Variants in CLSTN2 observed in about 807,000 individuals in gnomAD.
CLSTN2 encodes the protein calsyntenin-2.
CLSTN2 carries 48 observed loss-of-function variants against 101.2 expected under a neutral mutation model. The observed-to-expected ratio is 0.47, with a 90% CI of 0.38 to 0.60. CLSTN2 has a LOEUF of 0.60. CLSTN2 is among the 20% of genes least tolerant of loss of function. CLSTN2 has a pLI of 0.00. For synonymous variants in CLSTN2, 481 were observed against 463.6 expected, an observed-to-expected ratio of 1.04 and a Z score of -0.48; for missense variants, 1,160 against 1,238.2, an observed-to-expected ratio of 0.94 and a Z score of 0.95.
At chr3:140,518,961 A>T (rs957014615) in intron 8 of CLSTN2, among the ~76,000 whole-genome samples, 1 of 151,790 alleles carries the variant, frequency 6.6e-6, no homozygotes, top group Admixed American at 6.6e-5. Flanking sequence ...TGATGTGGGC[A>T]TTTAGTGCTA....
At chr3:140,540,122 G>A (rs1202495141) in intron 9 of CLSTN2, among the ~76,000 whole-genome samples, 2 of 152,122 alleles carry the variant, frequency 1.3e-5, no homozygotes, top group Non-Finnish European at 2.9e-5. Flanking sequence ...TTCACGTGAA[G>A]AACAAAGCAA....
intron 1 of CLSTN2, among the ~76,000 whole-genome samples, chr3:140,079,666 GC>G (rs2008552814): frequency 6.6e-6 from 1 of 151,678 alleles, no homozygotes; most frequent in South Asian, 2.1e-4. Context: ...CAGGAGAATC[GC>G]TTGAACCCGG....
intron 2 of CLSTN2, among the ~76,000 whole-genome samples, chr3:140,186,777 G>T (rs1274019166): frequency 1.3e-5 from 2 of 151,992 alleles, no homozygotes; most frequent in Non-Finnish European, 2.9e-5. Flanking sequence ...GACATCATTT[G>T]CAATGGTTGG....
At chr3:140,407,423 C>T (rs1441026052) in intron 4 of CLSTN2, among the ~76,000 whole-genome samples, 1 of 152,128 alleles carries the variant, frequency 6.6e-6, no homozygotes, top group African/African-American at 2.4e-5. Flanking sequence ...CAGAGACTCA[C>T]CCTCTTCCTA....
Position 140,532,447 on chromosome 3 carries a change from C to G in CLSTN2, c.1468C>G (p.His490Asp). ...VTNDWPIHPS[H>D]IAMQLTVGAC... ...CAACGACTGGCCCATTCATCCATCT[C>G]ACATAGCCATGCAACTCACAGTCGG... The change falls in exon 9 of 17, where the codon CAC becomes GAC. Residue 490 changes from histidine (H) to aspartate (D), a missense_variant. By Grantham distance (81) the His-to-Asp change is moderately conservative. Transcript: ENST00000458420. The G allele has an allele frequency of 6.2e-7, 1 of 1,613,952 alleles. No individual in the cohort carries two copies. The highest frequency in any genetic ancestry group is 8.5e-7 in the Non-Finnish European group (1 of 1,179,900).
intron 1 of CLSTN2, among the ~76,000 whole-genome samples, chr3:140,018,826 A>C (rs2007250748): frequency 6.6e-6 from 1 of 152,212 alleles, no homozygotes; most frequent in Admixed American, 6.5e-5. Context: ...GTAAACATTA[A>C]GTACTCATTG....
intron 8 of CLSTN2, among the ~76,000 whole-genome samples, chr3:140,528,630 C>A (rs371806297): frequency 9.5e-6 from 1 of 105,638 alleles, no homozygotes; most frequent in African/African-American, 5.8e-5. Flanking sequence ...AACCTAGTGC[C>A]TCTGACAAAA....
chr3:140,261,051 A>T (rs1023112470), intron 2 of CLSTN2, among the ~76,000 whole-genome samples: 2 of 152,168 alleles, frequency 1.3e-5, no homozygotes, highest in Admixed American at 1.3e-4. Context: ...CGTCTGGCTC[A>T]GGAAGTGTTT....
intron 9 of CLSTN2, 75 bp downstream of exon 9, chr3:140,532,561 A>G: frequency 2.2e-6 from 3 of 1,344,680 alleles, no homozygotes; most frequent in Non-Finnish European, 2.0e-6. Context: ...AGAAAAAGGA[A>G]AAGCAAGTGG....
At chr3:140,181,913 G>A (rs1249516303) in intron 2 of CLSTN2, among the ~76,000 whole-genome samples, 2 of 152,178 alleles carry the variant, frequency 1.3e-5, no homozygotes, top group East Asian at 1.9e-4. Flanking sequence ...TTTCTCCTCT[G>A]CCAGTTTTCC....
intron 5 of CLSTN2, among the ~76,000 whole-genome samples, chr3:140,434,330 C>A (rs2088666604): frequency 6.6e-6 from 1 of 152,162 alleles, no homozygotes; most frequent in Non-Finnish European, 1.5e-5. Flanking sequence ...TTGACCCCAC[C>A]CTAACCATGC....
chr3:140,420,433 G>A (rs983247212), intron 4 of CLSTN2, among the ~76,000 whole-genome samples: 1 of 151,974 alleles, frequency 6.6e-6, no homozygotes, highest in African/African-American at 2.4e-5. Flanking sequence ...CAAAAATAAT[G>A]AATTAACATT....
intron 1 of CLSTN2, among the ~76,000 whole-genome samples, chr3:139,970,458 AG>A (rs553900352): frequency 1.4e-3 from 212 of 152,352 alleles, no homozygotes; most frequent in Middle Eastern, 0.014. Flanking sequence ...ACAAAACATA[AG>A]AAAGTATGTG....
chr3:140,081,846 T>C (rs2008604649), intron 1 of CLSTN2, among the ~76,000 whole-genome samples: 1 of 152,202 alleles, frequency 6.6e-6, no homozygotes, highest in African/African-American at 2.4e-5. Flanking sequence ...TCAAAAGCTG[T>C]TTGACCTTCA....
chr3:140,305,023 G>GACAC (rs374893786), intron 2 of CLSTN2, among the ~76,000 whole-genome samples: 2,644 of 143,100 alleles, frequency 0.018, 78 homozygotes, highest in African/African-American at 0.063. Flanking sequence ...CACACACAGA[G>GACAC]ACACACACAC....
chr3:140,194,192 C>T (rs9841172), intron 2 of CLSTN2, among the ~76,000 whole-genome samples: 2,735 of 152,220 alleles, frequency 0.018, 50 homozygotes, highest in South Asian at 0.034. Flanking sequence ...TTTTGTAGTT[C>T]TGGAGTTTGA....
chr3:140,526,590 AC>A (rs1421656073), intron 8 of CLSTN2, among the ~76,000 whole-genome samples: 144 of 137,122 alleles, frequency 1.1e-3, no homozygotes, highest in Admixed American at 2.5e-3. Context: ...AAACAAACAA[AC>A]AAACAAAAAA....
At chr3:140,281,913 C>A (rs999615116) in intron 2 of CLSTN2, among the ~76,000 whole-genome samples, 8 of 152,050 alleles carry the variant, frequency 5.3e-5, no homozygotes, top group Admixed American at 2.0e-4. Context: ...CAAAGAGGAC[C>A]AGGACACAGG....
At chr3:140,264,568 A>T (rs1038836630) in intron 2 of CLSTN2, among the ~76,000 whole-genome samples, 1 of 151,930 alleles carries the variant, frequency 6.6e-6, no homozygotes, top group Non-Finnish European at 1.5e-5. Flanking sequence ...TGATAGTTCA[A>T]TATTTGCTAA....
Sources: gnomAD v4.1 joint callset for allele counts (sites outside exome capture counted in the v4.1 genomes callset) on GRCh38, gnomAD v4.1.1 for gene constraint, MANE v1.5 for transcripts, NCBI Gene and HGNC (gene_info 2026-07-23, HGNC 2026-07-21) for gene names.